Variants in SLC2A13 observed in about 807,000 individuals in gnomAD.
SLC2A13 encodes the protein solute carrier family 2 member 13, also known as proton myo-inositol cotransporter.
SLC2A13 carries 32 observed loss-of-function variants against 64.4 expected under a neutral mutation model. That is an observed-to-expected ratio of 0.50 (90% CI 0.37 to 0.67). The LOEUF (loss-of-function observed/expected upper bound fraction) is 0.67. Ranked by LOEUF, SLC2A13 falls within the 30% of genes least tolerant of loss-of-function variation. The probability of loss-of-function intolerance (pLI) is 0.00; values close to 1 mark genes in which losing one functional copy is unlikely to be tolerated. For synonymous variants in SLC2A13, 338 were observed against 327.1 expected (o/e 1.03, Z -0.36); for missense variants, 743 against 829.2 (o/e 0.90, Z 1.28).
At chr12:40,005,903 G>A (rs1947408470) in intron 3 of SLC2A13, among the ~76,000 whole-genome samples, 1 of 152,252 alleles carries the variant, frequency 6.6e-6, no homozygotes, top group East Asian at 1.9e-4. Flanking sequence ...TAATTAAGAA[G>A]CTTCCAACGT....
chr12:39,935,030 A>C (rs769333904), intron 4 of SLC2A13, among the ~76,000 whole-genome samples: 2 of 152,218 alleles, frequency 1.3e-5, no homozygotes, highest in Non-Finnish European at 2.9e-5. Flanking sequence ...CCTCAGAAAG[A>C]AGGAACCAAG....
At chr12:39,764,316 CT>C in intron 9 of SLC2A13, 143 bp downstream of exon 9, 1 of 693,876 alleles carries the variant, frequency 1.4e-6, no homozygotes, top group Non-Finnish European at 2.2e-6. Context: ...TTTCCGATGC[CT>C]TTGGAGGACA....
At chr12:40,041,780 G>C (rs1948094199) in intron 2 of SLC2A13, among the ~76,000 whole-genome samples, 1 of 152,242 alleles carries the variant, frequency 6.6e-6, no homozygotes, top group Admixed American at 6.5e-5. Flanking sequence ...GAGAGCCCCA[G>C]TTAGTTCTGG....
intron 6 of SLC2A13, among the ~76,000 whole-genome samples, chr12:39,864,102 A>C (rs1450204160): frequency 1.3e-5 from 2 of 152,222 alleles, no homozygotes; most frequent in Non-Finnish European, 1.5e-5. Context: ...CGATGTGTCC[A>C]ATCACTCAAA....
At chr12:39,838,507 A>T (rs1004560405) in intron 6 of SLC2A13, among the ~76,000 whole-genome samples, 47 of 17,296 alleles carry the variant, frequency 2.7e-3, no homozygotes, top group East Asian at 0.015. Flanking sequence ...AAAATAAATT[A>T]AAAAAAAAAA....
intron 3 of SLC2A13, among the ~76,000 whole-genome samples, chr12:39,994,225 A>G (rs1254511741): frequency 6.6e-6 from 1 of 151,728 alleles, no homozygotes; most frequent in Non-Finnish European, 1.5e-5. Flanking sequence ...TCTACTAAAA[A>G]CACAAAAAAT....
Position 40,105,760 on chromosome 12 carries a change from TC to T in SLC2A13, c.48del (p.Ser17AlafsTer3). 6.7e-7 allele frequency: 1 copy of T among 1,490,568 alleles called. No homozygotes were observed. Among genetic ancestry groups the T allele is most frequent in the Non-Finnish European group, 8.9e-7 (1 of 1,120,698 alleles). The allele number at this position is 1,490,568 out of a possible 1,614,324, so 92.3% of individuals were successfully genotyped here. On this transcript the variant is annotated frameshift_variant, in exon 1 of 10. Transcript: ENST00000280871. LOFTEE classifies it high-confidence loss of function. The surrounding 1 kb of genome is among the most constrained non-coding windows in gnomAD (Gnocchi z 4.2). ...SENVEYTLRS[L>X]SSLMGERRRK... ...CTGCGCCGCTCGCCCATCAGGCTGC[TC>T]AGGCTCCGCAGCGTGTACTCCACAT... is the stretch of plus-strand genomic sequence containing the variant.
intron 5 of SLC2A13, among the ~76,000 whole-genome samples, chr12:39,867,236 A>C (rs73104964): frequency 0.044 from 6,700 of 152,250 alleles, 240 homozygotes; most frequent in African/African-American, 0.099. Context: ...TTAAATCAGG[A>C]AACTTTGATA....
chr12:39,897,691 T>G (rs1944964590), intron 4 of SLC2A13, among the ~76,000 whole-genome samples: 1 of 152,158 alleles, frequency 6.6e-6, no homozygotes, highest in Non-Finnish European at 1.5e-5. Context: ...TTCATTTAAA[T>G]TTGCAATTAA....
chr12:39,921,862 T>C (rs1018122283), intron 4 of SLC2A13, among the ~76,000 whole-genome samples: 1 of 152,122 alleles, frequency 6.6e-6, no homozygotes, highest in African/African-American at 2.4e-5. Flanking sequence ...CTTTTCAGTA[T>C]GGTAAACCCA....
intron 4 of SLC2A13, among the ~76,000 whole-genome samples, chr12:39,930,721 T>C (rs570680166): frequency 7.9e-5 from 12 of 152,258 alleles, no homozygotes; most frequent in African/African-American, 2.9e-4. Flanking sequence ...GTGATAAAAA[T>C]TAAATTCAAA....
chr12:39,765,972 G>A (rs543724462), intron 7 of SLC2A13, among the ~76,000 whole-genome samples: 7 of 152,126 alleles, frequency 4.6e-5, no homozygotes, highest in East Asian at 3.9e-4. Context: ...GTGAAAACAC[G>A]CAGTGTGTGG....
chr12:40,082,474 G>A (rs12317645), intron 1 of SLC2A13, among the ~76,000 whole-genome samples: 97 of 152,288 alleles, frequency 6.4e-4, no homozygotes, highest in African/African-American at 1.6e-3. Flanking sequence ...AGTAGCTGCC[G>A]GCAAGTGCCT....
In SLC2A13 at chr12:39,871,965, C is replaced by A. The variant is rs1468959164; in HGVS notation, c.1035-4G>T. ...CAGAATGGTTGCACTGTAGTACCTG[C>A]AAAGCAATGAATAAAACAATTGCTA... On this transcript the variant is annotated splice_region_variant and splice_polypyrimidine_tract_variant and intron_variant, in intron 4 of 9. Coordinates refer to ENST00000280871, the MANE Select transcript of SLC2A13 (RefSeq NM_052885.4). 3 of 1,571,950 alleles carry A rather than the reference C, an allele frequency of 1.9e-6. No individual in the cohort carries two copies. The highest frequency in any genetic ancestry group is 3.7e-5 in the Admixed American group (2 of 53,844).
At chr12:39,915,900 A>G (rs934717873) in intron 4 of SLC2A13, among the ~76,000 whole-genome samples, 3 of 152,012 alleles carry the variant, frequency 2.0e-5, no homozygotes, top group African/African-American at 7.3e-5. Context: ...GATTTACAGC[A>G]TAATTTCTAC....
At chr12:39,984,971 C>T (rs12824918) in intron 3 of SLC2A13, among the ~76,000 whole-genome samples, 47,850 of 151,864 alleles carry the variant, frequency 0.32, 7,610 homozygotes, top group East Asian at 0.45. Flanking sequence ...ATTTTTATGC[C>T]CCATAAAAGC....
chr12:39,976,344 A>G (rs1183002424), intron 3 of SLC2A13, among the ~76,000 whole-genome samples: 1 of 152,198 alleles, frequency 6.6e-6, no homozygotes, highest in African/African-American at 2.4e-5. Flanking sequence ...AAGAAACACA[A>G]TGGTACGTGG....
At chr12:39,992,458 C>T (rs189732725) in intron 3 of SLC2A13, among the ~76,000 whole-genome samples, 1 of 152,220 alleles carries the variant, frequency 6.6e-6, no homozygotes, top group Non-Finnish European at 1.5e-5. Flanking sequence ...TACCACTCTA[C>T]CTTTTACAGC....
At chr12:39,893,381 C>T (rs980851621) in intron 4 of SLC2A13, among the ~76,000 whole-genome samples, 1 of 152,220 alleles carries the variant, frequency 6.6e-6, no homozygotes. Context: ...CTGGCTGCAA[C>T]CTCCGCCTCC....
Sources: gnomAD v4.1 joint callset for allele counts (sites outside exome capture counted in the v4.1 genomes callset) on GRCh38, gnomAD v4.1.1 for gene constraint, Gnocchi (gnomAD v3.1) non-coding constraint, MANE v1.5 for transcripts, NCBI Gene and HGNC (gene_info 2026-07-23, HGNC 2026-07-21) for gene names.